Variants in PREX2 observed in about 807,000 individuals in gnomAD.
PREX2 encodes the protein phosphatidylinositol 3,4,5-trisphosphate-dependent Rac exchanger 2 protein.
In PREX2, 107 loss-of-function variants were observed where a neutral mutation model predicts 203.2. That is an observed-to-expected ratio of 0.53 (90% CI 0.45 to 0.62). The LOEUF (loss-of-function observed/expected upper bound fraction) is 0.62, where lower values mean the gene tolerates loss of function less well. Ranked by LOEUF, PREX2 falls within the 20% of genes least tolerant of loss-of-function variation. The probability of loss-of-function intolerance (pLI) is 0.00; values close to 1 mark genes in which losing one functional copy is unlikely to be tolerated. For missense variants in PREX2, 1,777 were observed against 1,955.9 expected (o/e 0.91, Z 1.72); for synonymous variants, 672 against 663.6 (o/e 1.01, Z -0.19).
chr8:68,028,102 A>G (rs1001026817), intron 5 of PREX2, among the ~76,000 whole-genome samples: 1 of 152,004 alleles, frequency 6.6e-6, no homozygotes, highest in Non-Finnish European at 1.5e-5. Flanking sequence ...CATGTAATCG[A>G]ACCTCTTAAT....
At chr8:68,076,713 ACAC>A (rs1809360303) in intron 14 of PREX2, among the ~76,000 whole-genome samples, 1 of 148,946 alleles carries the variant, frequency 6.7e-6, no homozygotes, top group Admixed American at 6.6e-5. Context: ...ACACACACAC[ACAC>A]ACACACACAT....
rs560379971 is a variant in PREX2 at position 68,012,125 on chromosome 8, T to A, written c.142-5721T>A. On this transcript the variant is annotated intron_variant, in intron 1 of 39. Coordinates refer to ENST00000288368, the MANE Select transcript of PREX2 (RefSeq NM_024870.4). The stretch of plus-strand genomic sequence containing the variant: ...CCTTGTATGTAACATACCAATCGTA[T>A]GCTGACAAATGATGAATTCTTTCCC... 2.0e-5 allele frequency among the ~76,000 whole-genome samples: 3 copies of A among 152,314 alleles called. No homozygotes were observed. The East Asian group carries it at 5.8e-4, about 29-fold the overall frequency.
chr8:68,066,633 T>G (rs1809023712), intron 11 of PREX2, among the ~76,000 whole-genome samples: 1 of 152,130 alleles, frequency 6.6e-6, no homozygotes, highest in Non-Finnish European at 1.5e-5. Flanking sequence ...ACTGAATATA[T>G]GGTTTGTAAA....
chr8:67,971,254 T>C (rs538831942), intron 1 of PREX2, among the ~76,000 whole-genome samples: 23 of 152,256 alleles, frequency 1.5e-4, no homozygotes, highest in Admixed American at 7.9e-4. Context: ...AGTGCAGGAA[T>C]GGCTCTGTTG....
rs1170141724 is a variant in PREX2 at position 68,076,655 on chromosome 8, T to G, written c.1570-742T>G. On this transcript the variant is annotated intron_variant, in intron 14 of 39. Transcript: ENST00000288368. ...ATGAGATAATATGTGAGAAAAAAGC[T>G]GCTTGAACTGTAACAATACAACTCT... Among the ~76,000 whole-genome samples, 3 of 148,318 alleles carry G rather than the reference T, an allele frequency of 2.0e-5. No individual in the cohort carries two copies. In the East Asian group the frequency reaches 6.3e-4, roughly 31 times the overall value.
intron 14 of PREX2, among the ~76,000 whole-genome samples, chr8:68,076,290 C>T (rs936455795): frequency 1.3e-5 from 2 of 152,040 alleles, no homozygotes; most frequent in Admixed American, 6.6e-5. Context: ...AAGCCCGTCT[C>T]TACTAAAAAT....
intron 21 of PREX2, 103 bp from the exon 22 acceptor site, chr8:68,096,914 C>A: frequency 1.1e-6 from 1 of 870,472 alleles, no homozygotes; most frequent in South Asian, 1.5e-5. Flanking sequence ...TTTAACCATC[C>A]CTTAAAGAAC....
chr8:68,012,010 A>G (rs537938053), intron 1 of PREX2, among the ~76,000 whole-genome samples: 5 of 152,282 alleles, frequency 3.3e-5, no homozygotes, highest in South Asian at 4.1e-4. Flanking sequence ...AATTCTGTCA[A>G]TAATGGTCCT....
At chr8:68,027,391 A>G (rs981703863) in intron 5 of PREX2, 68 bp downstream of exon 5, 3 of 1,039,822 alleles carry the variant, frequency 2.9e-6, no homozygotes, top group African/African-American at 3.2e-5. Context: ...GATCTTTTTA[A>G]AAAATTATTT....
chr8:67,971,383 C>T (rs948346697), intron 1 of PREX2, among the ~76,000 whole-genome samples: 1 of 152,144 alleles, frequency 6.6e-6, no homozygotes, highest in Non-Finnish European at 1.5e-5. Context: ...TAATTAGAAT[C>T]TCAGGGTGCG....
intron 23 of PREX2, chr8:68,100,305 G>A (rs1761911142): frequency 4.7e-6 from 2 of 427,768 alleles, no homozygotes; most frequent in South Asian, 3.4e-5. Flanking sequence ...CCCTCTATGT[G>A]CCAAGTACTG....
intron 15 of PREX2, among the ~76,000 whole-genome samples, chr8:68,079,354 AT>A (rs1809444317): frequency 6.6e-6 from 1 of 152,234 alleles, no homozygotes. Flanking sequence ...ATGAAACCAA[AT>A]AGCTATCCCT....
intron 20 of PREX2, 132 bp downstream of exon 20, chr8:68,090,847 TC>T: frequency 1.7e-6 from 1 of 598,194 alleles, no homozygotes; most frequent in Non-Finnish European, 2.8e-6. Context: ...GCATTATAAA[TC>T]TCATAATGAT....
chr8:68,201,900 ATT>A (rs869153263), intron 37 of PREX2, among the ~76,000 whole-genome samples: 993 of 98,192 alleles, frequency 0.01, 12 homozygotes, highest in East Asian at 0.033. Flanking sequence ...GGTAACACCT[ATT>A]TTTTTTTTTT....
intron 33 of PREX2, among the ~76,000 whole-genome samples, chr8:68,139,954 G>T: frequency 6.6e-6 from 1 of 152,098 alleles, no homozygotes; most frequent in Non-Finnish European, 1.5e-5. Context: ...TTTGCTGAAG[G>T]CAGAGAGAAC....
intron 1 of PREX2, among the ~76,000 whole-genome samples, chr8:67,956,454 T>C (rs1295831632): frequency 6.6e-6 from 1 of 152,224 alleles, no homozygotes; most frequent in Non-Finnish European, 1.5e-5. Flanking sequence ...TCTTTGACCT[T>C]GTGTTTTGCA....
rs150460814 is a variant in PREX2 at position 68,060,895 on chromosome 8, A to G, written c.1339+116A>G. 2.0e-3 allele frequency: 1,396 copies of G among 704,810 alleles called. 15 individuals carry two copies. In the African/African-American group the frequency reaches 0.023, roughly 12 times the overall value. The allele number at this position is 704,810 out of a possible 1,614,324, so 43.7% of individuals were successfully genotyped here. A position where few individuals can be genotyped will look rare whatever the true frequency, so the allele number is the denominator to read the frequency against. On this transcript the variant is annotated intron_variant, in intron 11 of 39. Transcript: ENST00000288368. ...CATTATAGGATGCTTGTTGTTTTTA[A>G]CAATATTTTCAGTACCTAATAAGTG...
intron 1 of PREX2, among the ~76,000 whole-genome samples, chr8:67,962,085 GAA>G (rs1270536646): frequency 2.0e-5 from 3 of 152,148 alleles, no homozygotes; most frequent in Admixed American, 6.5e-5. Flanking sequence ...TTGTTTCTCG[GAA>G]AGAGTCAAAT....
chr8:68,103,814 A>G (rs1435673180), intron 23 of PREX2: 6 of 477,524 alleles, frequency 1.3e-5, no homozygotes, highest in South Asian at 3.2e-5. Context: ...GTGGTATCCT[A>G]TGCTGACTCC....
Sources: allele counts gnomAD v4.1 joint callset (sites outside exome capture counted in the v4.1 genomes callset), GRCh38; gene constraint gnomAD v4.1.1; transcripts MANE v1.5; gene names NCBI Gene and HGNC (gene_info 2026-07-23, HGNC 2026-07-21).